FAM20C: variants seen among roughly 807,000 people sequenced by gnomAD.
The protein encoded by FAM20C is FAM20C golgi associated secretory pathway kinase.
FAM20C carries 40 observed loss-of-function variants against 51.5 expected under a neutral mutation model. The observed-to-expected ratio is 0.78, with a 90% CI of 0.60 to 1.01. FAM20C has a LOEUF of 1.01. FAM20C is among the 50% of genes least tolerant of loss of function. FAM20C has a pLI of 0.00. For missense variants in FAM20C, 861 were observed against 844.7 expected (o/e 1.02, Z -0.24); for synonymous variants, 406 against 380.6 (o/e 1.07, Z -0.78).
chr7:250,607 G>C (rs997280949), intron 5 of FAM20C, among the ~76,000 whole-genome samples: 2 of 152,126 alleles, frequency 1.3e-5, no homozygotes, highest in African/African-American at 4.8e-5. Context: ...CCCCACCCTG[G>C]GAGTCCAGGG....
chr7:242,609 G>A (rs1030149363), intron 3 of FAM20C, among the ~76,000 whole-genome samples: 5 of 152,266 alleles, frequency 3.3e-5, no homozygotes, highest in Admixed American at 6.5e-5. Flanking sequence ...GACACCAGAG[G>A]CCTCAGAAGG....
intron 3 of FAM20C, among the ~76,000 whole-genome samples, chr7:244,778 C>T (rs1195372953): frequency 6.6e-6 from 1 of 152,248 alleles, no homozygotes; most frequent in African/African-American, 2.4e-5. Flanking sequence ...CTTGCGCCTA[C>T]CCAGGGCCCT....
At chr7:211,969 G>A (rs1160632594) in intron 3 of FAM20C, among the ~76,000 whole-genome samples, 2 of 152,286 alleles carry the variant, frequency 1.3e-5, no homozygotes, top group African/African-American at 2.4e-5. Context: ...GCTGGTGCCC[G>A]ACCCTCCTTT....
chr7:206,561 C>T lies in FAM20C; in HGVS notation c.785-2337C>T, dbSNP rs370056509. Among the ~76,000 whole-genome samples the T allele has an allele frequency of 3.2e-4, 21 of 65,226 alleles. 1 individual carries two copies. The South Asian group carries it at 6.4e-3, about 20-fold the overall frequency. The allele number at this position is 65,226 out of a possible 152,430, so 42.8% of individuals were successfully genotyped here. On this transcript the variant is annotated intron_variant, in intron 2 of 9. Transcript: ENST00000313766. ...TGCACACGTGTCCACTGTGACGCGT[C>T]GGTCACTGTCCCCTCAGCCCCGCAC...
intron 2 of FAM20C, 137 bp from the exon 3 acceptor site, chr7:208,761 T>C (rs1160898596): frequency 3.7e-6 from 3 of 814,692 alleles, no homozygotes; most frequent in South Asian, 3.7e-5. Context: ...TGCAGAAAAC[T>C]CAAACTTCCC....
intron 2 of FAM20C, among the ~76,000 whole-genome samples, chr7:208,250 T>C (rs1185480520): frequency 6.6e-6 from 1 of 151,944 alleles, no homozygotes; most frequent in African/African-American, 2.4e-5. Context: ...TGTGCTGATG[T>C]GAGTGGGTGT....
Position 226,052 on chromosome 7 carries a change from C to G in FAM20C, c.863+17076C>G, listed in dbSNP as rs544897857. Among the ~76,000 whole-genome samples the G allele has an allele frequency of 2.6e-5, 4 of 152,276 alleles. 1 individual carries two copies. In the South Asian group the frequency reaches 8.3e-4, roughly 32 times the overall value. On this transcript the variant is annotated intron_variant, in intron 3 of 9. Transcript: ENST00000313766. Reference sequence around the variant, plus strand: ...CTGGGTTTCACTGAGTTCCATGAGACCGGATGGGAGAAGAAGCAGGGGTGA... The same window carrying G: ...CTGGGTTTCACTGAGTTCCATGAGAGCGGATGGGAGAAGAAGCAGGGGTGA...
intron 4 of FAM20C, among the ~76,000 whole-genome samples, chr7:247,403 G>C (rs36186989): frequency 0.21 from 31,525 of 152,176 alleles, 4,903 homozygotes; most frequent in African/African-American, 0.44. Flanking sequence ...TGCCCTGCAC[G>C]GCCCTGACAC....
chr7:245,659 C>T lies in FAM20C; in HGVS notation c.864-756C>T, dbSNP rs151081153. Among the ~76,000 whole-genome samples the T allele has an allele frequency of 1.8e-3, 281 of 152,378 alleles. 4 individuals are homozygous for T. The highest frequency in any genetic ancestry group is 7.1e-3 in the East Asian group (37 of 5,192). ...AGACACGACCTTGACAATTCCTCCA[C>T]GTTTCCACCATGACCACATCGGTCA... On this transcript the variant is annotated intron_variant, in intron 3 of 9. Transcript: ENST00000313766.
intron 3 of FAM20C, 62 bp downstream of exon 3, chr7:209,038 G>A (rs1409264360): frequency 6.6e-5 from 99 of 1,506,634 alleles, no homozygotes; most frequent in South Asian, 6.4e-4. Context: ...AGCAGGCGCC[G>A]GGCTTCTGCT....
chr7:195,947 G>A (rs1785846573), intron 2 of FAM20C, among the ~76,000 whole-genome samples: 1 of 152,236 alleles, frequency 6.6e-6, no homozygotes, highest in Non-Finnish European at 1.5e-5. Context: ...GCCGCACGAT[G>A]AGCGGGGAGA....
At chr7:233,059 T>A (rs1787745937) in intron 3 of FAM20C, among the ~76,000 whole-genome samples, 1 of 152,212 alleles carries the variant, frequency 6.6e-6, no homozygotes, top group East Asian at 1.9e-4. Flanking sequence ...AGACTCCTGG[T>A]TCCCGTCCAA....
chr7:248,633 A>C (rs1262924683), intron 5 of FAM20C, among the ~76,000 whole-genome samples: 2 of 118,020 alleles, frequency 1.7e-5, no homozygotes, highest in Non-Finnish European at 1.7e-5. Context: ...CGGGGAGCCC[A>C]CATTCATCTC....
intron 3 of FAM20C, among the ~76,000 whole-genome samples, chr7:219,135 G>T (rs964247712): frequency 6.6e-6 from 1 of 152,122 alleles, no homozygotes; most frequent in Non-Finnish European, 1.5e-5. Flanking sequence ...TGCCTTCTGC[G>T]GTTCTTGTCC....
At chr7:205,328 G>A (rs1002633543) in intron 2 of FAM20C, among the ~76,000 whole-genome samples, 11 of 151,074 alleles carry the variant, frequency 7.3e-5, no homozygotes, top group East Asian at 2.0e-4. Flanking sequence ...CCGAGTAGCC[G>A]GGACCACGGA....
chr7:253,403 G>T (rs531011833), intron 5 of FAM20C, among the ~76,000 whole-genome samples: 2 of 152,224 alleles, frequency 1.3e-5, no homozygotes, highest in Admixed American at 6.5e-5. Flanking sequence ...TGCGCTCTCC[G>T]GGAGGCCAAC....
intron 3 of FAM20C, among the ~76,000 whole-genome samples, chr7:219,081 CT>C (rs1224706811): frequency 1.3e-5 from 2 of 152,204 alleles, no homozygotes; most frequent in South Asian, 4.1e-4. Flanking sequence ...CTGGCCCCTC[CT>C]GGGGTCGTCA....
intron 6 of FAM20C, 43 bp from the exon 7 acceptor site, chr7:256,611 A>C (rs1009173989): frequency 1.5e-5 from 23 of 1,486,590 alleles, no homozygotes; most frequent in Non-Finnish European, 1.9e-5. Context: ...CGGGCTCCCC[A>C]GAATCTGGCC....
At position 246,674 on chromosome 7, in the gene FAM20C, T is replaced by C. The variant is rs369040988; in HGVS notation, c.956+167T>C. Among the ~76,000 whole-genome samples, 40 of 56,074 alleles carry C rather than the reference T, an allele frequency of 7.1e-4. 4 individuals carry two copies. The highest frequency in any genetic ancestry group is 1.5e-3 in the African/African-American group (37 of 23,988). 36.8% of individuals were successfully genotyped at this position (56,074 alleles called of 152,430 possible). A position where few individuals can be genotyped will look rare whatever the true frequency, so the allele number is the denominator to read the frequency against. Reference sequence around the variant, plus strand: ...ACCCCGAGTGCTGCCCTGAGCAGGGTCCTGTATGTCATCGTCACCTTTGTC... The same window carrying C: ...ACCCCGAGTGCTGCCCTGAGCAGGGCCCTGTATGTCATCGTCACCTTTGTC... On this transcript the variant is annotated intron_variant, in intron 4 of 9. Transcript: ENST00000313766.
Sources: gnomAD v4.1 joint callset for allele counts (sites outside exome capture counted in the v4.1 genomes callset) on GRCh38, gnomAD v4.1.1 for gene constraint, MANE v1.5 for transcripts, NCBI Gene and HGNC (gene_info 2026-07-23, HGNC 2026-07-21) for gene names.